Variants in TRIM71 observed in about 807,000 individuals in gnomAD.
TRIM71 encodes E3 ubiquitin-protein ligase TRIM71.
Under a neutral mutation model 61.2 loss-of-function variants are expected in TRIM71, and 9 were observed. The observed-to-expected ratio is 0.15, with a 90% CI of 0.09 to 0.26. The LOEUF (loss-of-function observed/expected upper bound fraction) is 0.26. TRIM71 is among the 10% of genes least tolerant of loss of function. The pLI, the probability that TRIM71 is intolerant of heterozygous loss-of-function variation, is 1.00. For missense variants in TRIM71, 998 were observed against 1,238.7 expected (o/e 0.81, Z 2.92); for synonymous variants, 645 against 553.2 (o/e 1.17, Z -2.33).
chr3:32,831,131 G>A (rs1340227091), intron 1 of TRIM71, among the ~76,000 whole-genome samples: 5 of 152,060 alleles, frequency 3.3e-5, no homozygotes, highest in South Asian at 4.1e-4. Context: ...TTTTCCCCAC[G>A]TTATATAGAT....
chr3:32,854,521 A>C (rs1696574744), intron 1 of TRIM71, among the ~76,000 whole-genome samples: 1 of 152,146 alleles, frequency 6.6e-6, no homozygotes, highest in South Asian at 2.1e-4. Context: ...CATGAATGAG[A>C]TTTTGATGGA....
intron 1 of TRIM71, among the ~76,000 whole-genome samples, chr3:32,873,057 CTCTCT>C (rs1365084215): frequency 8.6e-6 from 1 of 116,584 alleles, no homozygotes; most frequent in Non-Finnish European, 1.9e-5. Flanking sequence ...CAGCCCTTCT[CTCTCT>C]TCCTCCCTCC....
intron 1 of TRIM71, among the ~76,000 whole-genome samples, chr3:32,843,223 A>AC (rs1447663239): frequency 2.6e-5 from 4 of 151,530 alleles, no homozygotes; most frequent in Admixed American, 6.6e-5. Flanking sequence ...TGCTACTTTC[A>AC]CCCCCCAAGA....
intron 1 of TRIM71, among the ~76,000 whole-genome samples, chr3:32,828,502 CTTTTTT>C (rs67014189): frequency 1.6e-3 from 147 of 93,264 alleles, no homozygotes; most frequent in Non-Finnish European, 2.4e-3. Context: ...CAATTGTAAA[CTTTTTT>C]TTTTTTTTTT....
chr3:32,880,689 A>T (rs1696899397), intron 2 of TRIM71, among the ~76,000 whole-genome samples: 1 of 152,070 alleles, frequency 6.6e-6, no homozygotes, highest in African/African-American at 2.4e-5. Context: ...TTAGGGGGCA[A>T]CCACTCATTT....
chr3:32,891,632 G>T lies in TRIM71; in HGVS notation c.2428G>T (p.Val810Leu), dbSNP rs764435313. The change falls in exon 4 of 4, where the codon GTG becomes TTG. Residue 810 changes from valine (V) to leucine (L), a missense_variant. Around this residue, in one of 5 missense-constraint regions of TRIM71, gnomAD observed 95 missense variants for 159.0 expected, o/e 0.60. Coordinates refer to ENST00000383763, the MANE Select transcript of TRIM71 (RefSeq NM_001039111.3). This position sits in a 1 kb window ranked among gnomAD's most constrained non-coding sequence, Gnocchi z 8.2. ...VAVDQEGRII[V>L]ADSRNHRVQM... ...TGTGGACCAGGAAGGGCGCATCATTGTGGCGGATTCCAGGAACCATCGGGT... is the reference window on the plus strand; with the variant it reads ...TGTGGACCAGGAAGGGCGCATCATTTTGGCGGATTCCAGGAACCATCGGGT... The T allele has an allele frequency of 3.1e-6, 5 of 1,613,258 alleles. No homozygotes were observed. In the Admixed American group the frequency reaches 8.3e-5, roughly 27 times the overall value.
At chr3:32,866,482 C>T (rs1026852036) in intron 1 of TRIM71, among the ~76,000 whole-genome samples, 1 of 152,044 alleles carries the variant, frequency 6.6e-6, no homozygotes, top group Admixed American at 6.6e-5. Flanking sequence ...CCTCTTCGCA[C>T]TCCCAAAGTT....
intron 1 of TRIM71, among the ~76,000 whole-genome samples, chr3:32,837,324 C>T (rs1469295368): frequency 6.6e-6 from 1 of 152,138 alleles, no homozygotes; most frequent in African/African-American, 2.4e-5. Context: ...AGGACATTTC[C>T]ACCAGCCCAG....
chr3:32,852,044 G>T (rs771021868), intron 1 of TRIM71, among the ~76,000 whole-genome samples: 1 of 152,172 alleles, frequency 6.6e-6, no homozygotes, highest in East Asian at 1.9e-4. Context: ...CCTCTGGAGC[G>T]TGCCCGAGGG....
chr3:32,862,427 G>C (rs527790461), intron 1 of TRIM71, among the ~76,000 whole-genome samples: 1 of 152,188 alleles, frequency 6.6e-6, no homozygotes, highest in Non-Finnish European at 1.5e-5. Flanking sequence ...CAGCCACATG[G>C]GTGATTGAAA....
chr3:32,818,129 G>A lies in TRIM71; in HGVS notation c.49G>A (p.Glu17Lys), dbSNP rs756267698. The A allele has an allele frequency of 1.9e-6, 3 of 1,611,800 alleles. No homozygotes were observed. The highest frequency in any genetic ancestry group is 1.3e-5 in the African/African-American group (1 of 74,702). Residue 17 changes from glutamate to lysine, a missense_variant, in exon 1 of 4, where the codon GAG (glutamate) becomes AAG (lysine). By Grantham distance (56) the Glu-to-Lys change is moderately conservative. Around this residue, in one of 5 missense-constraint regions of TRIM71, gnomAD observed 527 missense variants for 427.8 expected, o/e 1.23. Transcript: ENST00000383763. Reference sequence around the variant, plus strand: ...TTTCCAGATCTGCTTGCTGTGCAAGGAGATGTGCGGCTCGCCGGCGCCGCT... The same window carrying A: ...TTTCCAGATCTGCTTGCTGTGCAAGAAGATGTGCGGCTCGCCGGCGCCGCT... ...TDFQICLLCK[E>K]MCGSPAPLSS...
At chr3:32,837,306 C>G (rs1261989618) in intron 1 of TRIM71, among the ~76,000 whole-genome samples, 1 of 152,192 alleles carries the variant, frequency 6.6e-6, no homozygotes, top group East Asian at 1.9e-4. Flanking sequence ...CCACCACAAT[C>G]AAGATATAGG....
intron 1 of TRIM71, among the ~76,000 whole-genome samples, chr3:32,858,409 T>C (rs1696630042): frequency 6.6e-6 from 1 of 152,174 alleles, no homozygotes; most frequent in Non-Finnish European, 1.5e-5. Context: ...TTAAATCCGA[T>C]GTAAATAGTT....
intron 2 of TRIM71, among the ~76,000 whole-genome samples, chr3:32,885,171 C>G (rs1397120242): frequency 6.6e-6 from 1 of 152,194 alleles, no homozygotes; most frequent in Non-Finnish European, 1.5e-5. Flanking sequence ...ATTGAATCAC[C>G]TACCCGAAAC....
intron 1 of TRIM71, among the ~76,000 whole-genome samples, chr3:32,873,499 G>A (rs187877685): frequency 1.4e-4 from 22 of 152,292 alleles, no homozygotes; most frequent in African/African-American, 4.8e-4. Context: ...CTCATGCCAG[G>A]AGGTTTGTTT....
intron 1 of TRIM71, among the ~76,000 whole-genome samples, chr3:32,867,020 T>TGAGTTCAGATGCA (rs1696745194): frequency 6.6e-6 from 1 of 152,206 alleles, no homozygotes; most frequent in African/African-American, 2.4e-5. Flanking sequence ...GCAGTTGCGA[T>TGAGTTCAGATGCA]GAGTTCAGAT....
intron 1 of TRIM71, among the ~76,000 whole-genome samples, chr3:32,857,803 T>G (rs1320416165): frequency 1.3e-5 from 2 of 152,160 alleles, no homozygotes; most frequent in Non-Finnish European, 2.9e-5. Flanking sequence ...AAACCGTGTC[T>G]GTACTAAAAA....
chr3:32,818,407 G>C lies in TRIM71; in HGVS notation c.327G>C (p.Leu109=). Residue 109 remains leucine (L), a synonymous_variant, in exon 1 of 4, where the codon CTG becomes CTC. Transcript: ENST00000383763. ...VLAEAAGMDA[L]PSSAFLLSNL... ...CCGAGGCGGCGGGTATGGACGCGCT[G>C]CCTTCGTCCGCCTTCCTGCTTAGCA... The C allele has an allele frequency of 1.4e-6, 2 of 1,477,108 alleles. No homozygotes were observed. Among genetic ancestry groups the C allele is most frequent in the Non-Finnish European group, 1.8e-6 (2 of 1,118,326 alleles). 91.5% of individuals were successfully genotyped at this position (1,477,108 alleles called of 1,614,324 possible). A position where few individuals can be genotyped will look rare whatever the true frequency, so the allele number is the denominator to read the frequency against.
At chr3:32,877,142 C>T (rs990674966) in intron 2 of TRIM71, among the ~76,000 whole-genome samples, 2 of 152,168 alleles carry the variant, frequency 1.3e-5, no homozygotes, top group African/African-American at 4.8e-5. Context: ...CTTGCTCTAT[C>T]GCCCAGGCTG....
Sources: gnomAD v4.1 joint callset for allele counts (sites outside exome capture counted in the v4.1 genomes callset) on GRCh38, gnomAD v4.1.1 for gene constraint, gnomAD v4.1.1 regional missense constraint, Gnocchi (gnomAD v3.1) non-coding constraint, MANE v1.5 for transcripts, NCBI Gene and HGNC (gene_info 2026-07-23, HGNC 2026-07-21) for gene names.